The following TBC1D5 variants were observed in gnomAD, a reference collection of about 807,000 sequenced individuals.
TBC1D5 encodes TBC1 domain family, member 5.
In TBC1D5, 75 loss-of-function variants were observed where a neutral mutation model predicts 100.3. The observed-to-expected ratio is 0.75, with a 90% CI of 0.62 to 0.91. The LOEUF is 0.91. Ranked by LOEUF, TBC1D5 falls within the 40% of genes least tolerant of loss-of-function variation. The probability of loss-of-function intolerance (pLI) is 0.00; values close to 1 mark genes in which losing one functional copy is unlikely to be tolerated. For missense variants in TBC1D5, 910 were observed against 942.4 expected, an observed-to-expected ratio of 0.97 and a Z score of 0.45; for synonymous variants, 323 against 325.6, an observed-to-expected ratio of 0.99 and a Z score of 0.09.
intron 17 of TBC1D5, 58 bp downstream of exon 18, chr3:17,233,627 G>T: frequency 2.0e-6 from 2 of 988,146 alleles, no homozygotes; most frequent in Non-Finnish European, 3.0e-6. Context: ...TTTGGAGTAG[G>T]CAATGATAAT....
intron 15 of TBC1D5, among the ~76,000 whole-genome samples, chr3:17,260,713 T>G (rs994984560): frequency 3.9e-5 from 6 of 152,244 alleles, no homozygotes; most frequent in Non-Finnish European, 5.9e-5. Flanking sequence ...AGACCAGCAC[T>G]GTCCAACAGT....
At chr3:17,585,705 A>AT (rs1207074334) in intron 2 of TBC1D5, among the ~76,000 whole-genome samples, 5 of 152,246 alleles carry the variant, frequency 3.3e-5, no homozygotes, top group Non-Finnish European at 7.3e-5. Context: ...CTGAAACTGC[A>AT]TAAGTGACAC....
At chr3:17,284,220 C>T (rs951308654) in intron 15 of TBC1D5, among the ~76,000 whole-genome samples, 12 of 151,986 alleles carry the variant, frequency 7.9e-5, no homozygotes, top group African/African-American at 1.7e-4. Flanking sequence ...CAAGTTCAAG[C>T]GATTCTCATG....
chr3:17,217,956 T>G (rs889512970), intron 17 of TBC1D5, among the ~76,000 whole-genome samples: 1 of 152,074 alleles, frequency 6.6e-6, no homozygotes, highest in Non-Finnish European at 1.5e-5. Context: ...CATGAAGATT[T>G]ACTCAAGTTT....
chr3:17,272,625 G>C (rs572176555), intron 15 of TBC1D5, among the ~76,000 whole-genome samples: 1 of 152,272 alleles, frequency 6.6e-6, no homozygotes, highest in South Asian at 2.1e-4. Flanking sequence ...ATAATTAGTA[G>C]TTTGGCCAAA....
At chr3:17,281,812 T>C (rs1269046047) in intron 15 of TBC1D5, among the ~76,000 whole-genome samples, 4 of 152,188 alleles carry the variant, frequency 2.6e-5, no homozygotes, top group South Asian at 2.1e-4. Context: ...AGCAATAATA[T>C]ATTTACTGAG....
chr3:17,695,074 C>T (rs553013102), intron 1 of TBC1D5, among the ~76,000 whole-genome samples: 1 of 152,276 alleles, frequency 6.6e-6, no homozygotes, highest in South Asian at 2.1e-4. Flanking sequence ...CCAGGCCTGC[C>T]TTACAAGAGC....
At chr3:17,341,418 G>C (rs938202800) in intron 13 of TBC1D5, among the ~76,000 whole-genome samples, 1 of 152,048 alleles carries the variant, frequency 6.6e-6, no homozygotes, top group Non-Finnish European at 1.5e-5. Flanking sequence ...GGATGGTCTC[G>C]ATCTCCTGAC....
chr3:17,199,441 T>C (rs749857979), intron 18 of TBC1D5, among the ~76,000 whole-genome samples: 1 of 152,212 alleles, frequency 6.6e-6, no homozygotes, highest in Non-Finnish European at 1.5e-5. Context: ...TTCAAAAACA[T>C]TATTCTTGAT....
chr3:17,343,439 G>A (rs1293263619), intron 13 of TBC1D5, among the ~76,000 whole-genome samples: 1 of 150,492 alleles, frequency 6.6e-6, no homozygotes, highest in Non-Finnish European at 1.5e-5. Context: ...TTTTTTGGTT[G>A]TGTCTCTGCC....
intron 1 of TBC1D5, among the ~76,000 whole-genome samples, chr3:17,729,353 GAA>G (rs148290138): frequency 1.6e-5 from 2 of 126,102 alleles, no homozygotes; most frequent in South Asian, 2.5e-4. Flanking sequence ...AAATTTGAGA[GAA>G]AAAAAAAAAA....
intron 13 of TBC1D5, among the ~76,000 whole-genome samples, chr3:17,308,362 T>C (rs1223461425): frequency 6.6e-6 from 1 of 152,116 alleles, no homozygotes; most frequent in Non-Finnish European, 1.5e-5. Flanking sequence ...ATTATACATA[T>C]ATATGAAAAA....
intron 14 of TBC1D5, among the ~76,000 whole-genome samples, chr3:17,295,666 C>T (rs989122829): frequency 2.6e-5 from 4 of 152,158 alleles, no homozygotes; most frequent in Non-Finnish European, 5.9e-5. Context: ...TAAATACATG[C>T]AATACTTTTT....
intron 15 of TBC1D5, among the ~76,000 whole-genome samples, chr3:17,267,334 G>A (rs1179347581): frequency 6.6e-6 from 1 of 151,522 alleles, no homozygotes; most frequent in African/African-American, 2.4e-5. Flanking sequence ...TAACTGGTTG[G>A]CTCTTTTCAG....
chr3:17,582,180 A>C (rs2096702766), intron 2 of TBC1D5, among the ~76,000 whole-genome samples: 1 of 152,216 alleles, frequency 6.6e-6, no homozygotes, highest in African/African-American at 2.4e-5. Context: ...AGCTTAATCA[A>C]GTTAAGGATT....
chr3:17,600,191 T>G (rs1415551054), intron 2 of TBC1D5, among the ~76,000 whole-genome samples: 2 of 150,198 alleles, frequency 1.3e-5, no homozygotes, highest in Admixed American at 6.6e-5. Context: ...GTTGTCAAGT[T>G]GTGATCTCTA....
chr3:17,303,621 T>C (rs919569119), intron 14 of TBC1D5, among the ~76,000 whole-genome samples: 38 of 152,338 alleles, frequency 2.5e-4, no homozygotes, highest in African/African-American at 8.2e-4. Context: ...AACTGCTTTA[T>C]GTCGGACCAC....
intron 2 of TBC1D5, among the ~76,000 whole-genome samples, chr3:17,599,694 C>A (rs1386910400): frequency 6.6e-6 from 1 of 152,180 alleles, no homozygotes; most frequent in Non-Finnish European, 1.5e-5. Context: ...CTAGACCTGT[C>A]ATGGGTCAAG....
chr3:17,352,692 A>AAAAAAC (rs1553700542), intron 13 of TBC1D5, among the ~76,000 whole-genome samples: 2 of 149,356 alleles, frequency 1.3e-5, no homozygotes, highest in African/African-American at 5.0e-5. Context: ...GCAAAAAAAA[A>AAAAAAC]AAAAAAACAA....
Sources: gnomAD v4.1 joint callset for allele counts (sites outside exome capture counted in the v4.1 genomes callset) on GRCh38, gnomAD v4.1.1 for gene constraint, MANE v1.5 for transcripts, NCBI Gene and HGNC (gene_info 2026-07-23, HGNC 2026-07-21) for gene names.